TNFRSF14: variants seen among roughly 807,000 people sequenced by gnomAD.
TNFRSF14 encodes TNF receptor superfamily member 14.
In TNFRSF14, 18 loss-of-function variants were observed where a neutral mutation model predicts 34.1. That is an observed-to-expected ratio of 0.53 (90% confidence interval 0.36 to 0.78). The LOEUF (loss-of-function observed/expected upper bound fraction) is 0.78. TNFRSF14 is among the 30% of genes least tolerant of loss of function. The pLI, the probability that TNFRSF14 is intolerant of heterozygous loss-of-function variation, is 0.00. For synonymous variants in TNFRSF14, 157 were observed against 153.2 expected, an observed-to-expected ratio of 1.02 and a Z score of -0.18; for missense variants, 352 against 379.5, an observed-to-expected ratio of 0.93 and a Z score of 0.60.
intron 3 of TNFRSF14, chr1:2,559,004 C>G (rs1644262692): frequency 7.3e-7 from 1 of 1,367,876 alleles, no homozygotes; most frequent in Admixed American, 2.2e-5. Flanking sequence ...AGCGCAGAGC[C>G]TGTCCATGCG....
chr1:2,560,077 G>A (rs1644285687), intron 4 of TNFRSF14, 99 bp downstream of exon 4: 2 of 1,437,886 alleles, frequency 1.4e-6, no homozygotes, highest in African/African-American at 1.4e-5. Context: ...GGCCTGCCCA[G>A]GGGCCCTGGT....
At position 2,563,371 on chromosome 1, in the gene TNFRSF14, G is replaced by A. The variant is rs1557483802; in HGVS notation, c.*98G>A. The A allele has an allele frequency of 6.4e-7, 1 of 1,556,912 alleles. No individual in the cohort carries two copies. Among genetic ancestry groups the A allele is most frequent in the Non-Finnish European group, 8.7e-7 (1 of 1,149,868 alleles). On this transcript the variant is annotated 3_prime_UTR_variant, in exon 8 of 8. Transcript: ENST00000355716. ...GAACCACCGGAGCCCGGAGGCTTGG[G>A]GGCTCCGCCCTGGGCTGGCTTCCGT...
chr1:2,557,528 C>T (rs897720581), intron 1 of TNFRSF14, among the ~76,000 whole-genome samples, 198 bp from the exon 2 acceptor site: 16 of 152,104 alleles, frequency 1.1e-4, no homozygotes, highest in African/African-American at 2.2e-4. Context: ...GGAGGAGGGG[C>T]GGTCCCCACC....
Position 2,560,732 on chromosome 1 carries a change from A to T in TNFRSF14, c.551+18A>T. The T allele has an allele frequency of 6.2e-7, 1 of 1,610,572 alleles. No individual in the cohort carries two copies. Among genetic ancestry groups the T allele is most frequent in the Non-Finnish European group, 8.5e-7 (1 of 1,177,996 alleles). On this transcript the variant is annotated intron_variant, in intron 5 of 7. Coordinates refer to ENST00000355716, the MANE Select transcript of TNFRSF14 (RefSeq NM_003820.4). The stretch of plus-strand genomic sequence containing the variant: ...CAGACCAAGTAAGTGAACCCGGGGG[A>T]GGCCCAGCTCTGTGCCCTGGGGAGG...
rs1644338306 is a variant in TNFRSF14 at position 2,563,292 on chromosome 1, C to CGACGCCA, written c.*22_*28dup. On this transcript the variant is annotated 3_prime_UTR_variant, in exon 8 of 8. Coordinates refer to ENST00000355716, the MANE Select transcript of TNFRSF14 (RefSeq NM_003820.4). ...CCACTGACCCACAGACTCTGCACCC[C>CGACGCCA]GACGCCAGAGATACCTGGAGCGACG... 3 of 1,611,576 alleles carry CGACGCCA rather than the reference C, an allele frequency of 1.9e-6. No homozygotes were observed. The Admixed American group carries it at 5.0e-5, about 27-fold the overall frequency.
intron 1 of TNFRSF14, 32 bp from the exon 2 acceptor site, chr1:2,557,694 G>A (rs771156085): frequency 1.6e-5 from 24 of 1,517,312 alleles, no homozygotes; most frequent in Non-Finnish European, 2.1e-5. Flanking sequence ...GGCAGCCAGG[G>A]CATCTCCCAA....
In TNFRSF14 at chr1:2,562,104, G is replaced by T. The variant is rs562899910; in HGVS notation, c.694+289G>T. ...TCCTGCCTGCCCCCTGTGGGATGTG[G>T]GGAGCAGGACAGGCCCTGCTCAGCT... On this transcript the variant is annotated intron_variant, in intron 6 of 7. Transcript: ENST00000355716. 3.7e-4 allele frequency: 183 copies of T among 500,698 alleles called. 1 individual carries two copies. The South Asian group carries it at 4.8e-3, about 13-fold the overall frequency. The allele number at this position is 500,698 out of a possible 1,614,324, so 31.0% of individuals were successfully genotyped here. A position where few individuals can be genotyped will look rare whatever the true frequency, so the allele number is the denominator to read the frequency against.
At chr1:2,556,278 G>T (rs1304159328), upstream of TNFRSF14, 2 of 549,022 alleles carry the variant, frequency 3.6e-6, no homozygotes, top group African/African-American at 1.8e-5. Context: ...AAACACAGAT[G>T]GACTTTGGGG....
chr1:2,559,624 A>T, intron 3 of TNFRSF14, 199 bp from the exon 4 acceptor site: 1 of 1,534,462 alleles, frequency 6.5e-7, no homozygotes, highest in South Asian at 1.2e-5. Context: ...TCCCACACGC[A>T]GCTCTGCCGT....
Position 2,559,811 on chromosome 1 carries a change from C to T in TNFRSF14, c.305-12C>T, listed in dbSNP as rs11573981. 6.2e-7 allele frequency: 1 copy of T among 1,604,252 alleles called. No homozygotes were observed. Among genetic ancestry groups the T allele is most frequent in the Non-Finnish European group, 8.5e-7 (1 of 1,176,942 alleles). On this transcript the variant is annotated splice_polypyrimidine_tract_variant and intron_variant, in intron 3 of 7. Coordinates refer to ENST00000355716, the MANE Select transcript of TNFRSF14 (RefSeq NM_003820.4). The stretch of plus-strand genomic sequence containing the variant: ...CCACGTACCCCTCTCAGCCCCTCCT[C>T]TTGGACTCCAGCCATGGGCCTGCGC...
Position 2,561,069 on chromosome 1 carries a change from G to A in TNFRSF14, c.551+355G>A. On this transcript the variant is annotated intron_variant, in intron 5 of 7. Transcript: ENST00000355716. This position sits in a 1 kb window ranked among gnomAD's most constrained non-coding sequence, Gnocchi z 6.0. ...AGGGCCCCTGGGCTTCAGGGGTTGGGGAAAGTGAACACTCTGCTCTTTGTC... is the reference window on the plus strand; with the variant it reads ...AGGGCCCCTGGGCTTCAGGGGTTGGAGAAAGTGAACACTCTGCTCTTTGTC... The A allele has an allele frequency of 2.8e-6, 1 of 354,518 alleles. No individual in the cohort carries two copies. The highest frequency in any genetic ancestry group is 5.1e-6 in the Non-Finnish European group (1 of 194,738). The allele number at this position is 354,518 out of a possible 1,614,324, so 22.0% of individuals were successfully genotyped here.
upstream of TNFRSF14, chr1:2,556,225 C>A: frequency 6.7e-6 from 3 of 450,854 alleles, no homozygotes; most frequent in Non-Finnish European, 1.3e-5. Context: ...GTCAGCGCCC[C>A]GGGGAGCAGC....
rs1429446056 is a variant in TNFRSF14 at position 2,556,719 on chromosome 1, G to C, written c.55G>C (p.Asp19His). ...PPPWRSTPKT[D>H]VLRLVLYLTF... ...TCCCTGGAGATCCACCCCCAAAACC[G>C]ACGTCTTGAGGCTGGTGAGCCCCCG... Residue 19 changes from aspartate to histidine, a missense_variant, in exon 1 of 8, where the codon GAC (aspartate) becomes CAC (histidine). Transcript: ENST00000355716. 17 of 1,603,122 alleles carry C rather than the reference G, an allele frequency of 1.1e-5. No homozygotes were observed. The highest frequency in any genetic ancestry group is 1.4e-5 in the Non-Finnish European group (17 of 1,174,900).
At chr1:2,557,043 G>T in intron 1 of TNFRSF14, 1 of 313,962 alleles carries the variant, frequency 3.2e-6, no homozygotes, top group Non-Finnish European at 6.2e-6. Flanking sequence ...GGGGCTGGGT[G>T]TCTCTGGGCG....
At chr1:2,556,335 G>A (rs768300817), upstream of TNFRSF14, 1 of 615,294 alleles carries the variant, frequency 1.6e-6, no homozygotes, top group East Asian at 3.3e-5. Flanking sequence ...AATGGTGCAG[G>A]GGGAGAACTC....
In TNFRSF14 at chr1:2,560,710, A is replaced by T; in HGVS notation, c.547A>T (p.Thr183Ser). 1 of 1,613,220 alleles carries T rather than the reference A, an allele frequency of 6.2e-7. No homozygotes were observed. Among genetic ancestry groups the T allele is most frequent in the South Asian group, 1.1e-5 (1 of 91,082 alleles). Residue 183 changes from threonine to serine, a missense_variant, in exon 5 of 8, where the codon ACC becomes TCC. Coordinates refer to ENST00000355716, the MANE Select transcript of TNFRSF14 (RefSeq NM_003820.4). ...NGTLEECQHQ[T>S]KCSWLVTKAG... The stretch of plus-strand genomic sequence containing the variant: ...GACCCTGGAGGAATGTCAGCACCAG[A>T]CCAAGTAAGTGAACCCGGGGGAGGC...
upstream of TNFRSF14, chr1:2,556,293 C>A: frequency 1.8e-6 from 1 of 566,162 alleles, no homozygotes; most frequent in East Asian, 3.7e-5. Context: ...TTGGGGGGCT[C>A]CCCCTTCTAC....
chr1:2,558,258 G>A, intron 2 of TNFRSF14, 85 bp from the exon 3 acceptor site: 1 of 1,516,434 alleles, frequency 6.6e-7, no homozygotes, highest in Non-Finnish European at 8.8e-7. Flanking sequence ...CTCCCTGCTT[G>A]GGCTCTGGGC....
At chr1:2,562,989 G>T (rs11573994) in intron 7 of TNFRSF14, 93 bp downstream of exon 7, 99 of 1,540,744 alleles carry the variant, frequency 6.4e-5, no homozygotes, top group Non-Finnish European at 8.0e-5. Context: ...CATGGTGGGG[G>T]CTCCCAGTTC....
Sources: allele counts gnomAD v4.1 joint callset (sites outside exome capture counted in the v4.1 genomes callset), GRCh38; gene constraint gnomAD v4.1.1; non-coding constraint Gnocchi (gnomAD v3.1); transcripts MANE v1.5; gene names NCBI Gene and HGNC (gene_info 2026-07-23, HGNC 2026-07-21).